The following GRB10 variants were observed in gnomAD, a reference collection of about 807,000 sequenced individuals.
The protein encoded by GRB10 is growth factor receptor-bound protein 10.
GRB10 carries 20 observed loss-of-function variants against 80.9 expected under a neutral mutation model. That is an observed-to-expected ratio of 0.25 (90% CI 0.17 to 0.36). The LOEUF (loss-of-function observed/expected upper bound fraction) is 0.36. Among genes scored for constraint, GRB10 ranks in the 10% least tolerant of loss-of-function variants. The pLI is 1.00. For synonymous variants in GRB10, 291 were observed against 291.5 expected, an observed-to-expected ratio of 1.00 and a Z score of 0.02; for missense variants, 548 against 747.7, an observed-to-expected ratio of 0.73 and a Z score of 3.12.
At chr7:50,635,983 T>TG (rs2054937860) in intron 7 of GRB10, among the ~76,000 whole-genome samples, 1 of 125,052 alleles carries the variant, frequency 8.0e-6, no homozygotes, top group Admixed American at 8.2e-5. Flanking sequence ...TTTTTTTTTT[T>TG]TTTTTTTGAG....
chr7:50,646,564 G>A (rs369441359), intron 7 of GRB10, among the ~76,000 whole-genome samples: 30 of 152,088 alleles, frequency 2.0e-4, no homozygotes, highest in African/African-American at 5.8e-4. Context: ...TGGTCTCCTG[G>A]TTGGACATAG....
chr7:50,708,431 C>T (rs1468571270), intron 4 of GRB10, among the ~76,000 whole-genome samples: 2 of 152,190 alleles, frequency 1.3e-5, no homozygotes, highest in African/African-American at 4.8e-5. Context: ...GCCACTGTGG[C>T]ACTAAAGATC....
At chr7:50,713,027 G>A (rs2066134049) in intron 4 of GRB10, among the ~76,000 whole-genome samples, 1 of 152,182 alleles carries the variant, frequency 6.6e-6, no homozygotes, top group African/African-American at 2.4e-5. Flanking sequence ...TGCCAAGTCA[G>A]TTTTGTTCCT....
chr7:50,786,065 T>C (rs1026826877), upstream of GRB10, among the ~76,000 whole-genome samples: 12 of 152,100 alleles, frequency 7.9e-5, no homozygotes, highest in African/African-American at 2.9e-4. Flanking sequence ...CTGAAACTGC[T>C]CTAAAGTCTG....
intron 7 of GRB10, among the ~76,000 whole-genome samples, chr7:50,634,549 G>A (rs913047093): frequency 1.3e-5 from 2 of 152,258 alleles, no homozygotes; most frequent in Middle Eastern, 3.4e-3. Flanking sequence ...CAATATTAAT[G>A]TTGAACATAA....
At chr7:50,656,945 C>T (rs2058710563) in intron 7 of GRB10, among the ~76,000 whole-genome samples, 1 of 152,214 alleles carries the variant, frequency 6.6e-6, no homozygotes, top group African/African-American at 2.4e-5. Flanking sequence ...AATGTGGCAA[C>T]AGCTGCACTC....
At chr7:50,711,496 T>C (rs1227834781) in intron 4 of GRB10, among the ~76,000 whole-genome samples, 1 of 152,202 alleles carries the variant, frequency 6.6e-6, no homozygotes, top group Non-Finnish European at 1.5e-5. Flanking sequence ...GCAACAGGGA[T>C]GGGGTTTGTC....
intron 4 of GRB10, among the ~76,000 whole-genome samples, chr7:50,707,735 G>T (rs539752348): frequency 1.3e-5 from 2 of 152,134 alleles, no homozygotes; most frequent in Non-Finnish European, 2.9e-5. Context: ...GGGTGGGTGG[G>T]ACCAGCCTCC....
chr7:50,639,676 A>AC (rs2153605121), intron 7 of GRB10, among the ~76,000 whole-genome samples: 1 of 150,526 alleles, frequency 6.6e-6, no homozygotes, highest in African/African-American at 2.4e-5. Context: ...TCTGTCTCAA[A>AC]AAAAAAAAAA....
intron 3 of GRB10, among the ~76,000 whole-genome samples, chr7:50,749,203 A>G (rs2073691854): frequency 6.9e-6 from 1 of 144,372 alleles, no homozygotes; most frequent in Non-Finnish European, 1.5e-5. Context: ...ATCTTGGCTC[A>G]CTGCAACCTC....
In GRB10 at chr7:50,757,533, T is replaced by C. The variant is rs895542347; in HGVS notation, c.-216-1477A>G. ...TACATGATTATGAGACTGATCAAAGTTGAACATCACCTGCCTATGCAAAAG... is the reference window on the plus strand; with the variant it reads ...TACATGATTATGAGACTGATCAAAGCTGAACATCACCTGCCTATGCAAAAG... On this transcript the variant is annotated intron_variant, in intron 2 of 18. Coordinates refer to ENST00000401949, the MANE Select transcript of GRB10 (RefSeq NM_001350814.2). 5.3e-4 allele frequency among the ~76,000 whole-genome samples: 80 copies of C among 152,232 alleles called. 4 individuals carry two copies. The highest frequency in any genetic ancestry group is 1.3e-4 in the Non-Finnish European group (9 of 68,034).
rs1052098879 is a variant in GRB10, at chr7:50,591,752, C to G, written c.*1200G>C. On this transcript the variant is annotated 3_prime_UTR_variant, in exon 19 of 19. Coordinates refer to ENST00000401949, the MANE Select transcript of GRB10 (RefSeq NM_001350814.2). ...AAGCCAGCAGAGGAGGAGCCTCTAG[C>G]TGCTCTGTGTTCACTGGCTTATGGG... is the stretch of plus-strand genomic sequence containing the variant. 1.3e-5 allele frequency: 2 copies of G among 152,272 alleles called. No homozygotes were observed. Among genetic ancestry groups the G allele is most frequent in the Non-Finnish European group, 2.9e-5 (2 of 68,062 alleles). 9.4% of individuals were successfully genotyped at this position (152,272 alleles called of 1,614,324 possible).
chr7:50,616,531 C>G (rs528716332), intron 10 of GRB10, among the ~76,000 whole-genome samples, 184 bp from the exon 11 acceptor site: 1 of 152,132 alleles, frequency 6.6e-6, no homozygotes, highest in Admixed American at 6.5e-5. Flanking sequence ...GAACATAATT[C>G]GTATTTAAAC....
chr7:50,761,258 C>T (rs2075735198), intron 2 of GRB10, among the ~76,000 whole-genome samples: 1 of 152,120 alleles, frequency 6.6e-6, no homozygotes, highest in African/African-American at 2.4e-5. Flanking sequence ...TCATTTCTAC[C>T]ATAAGGAAAA....
At chr7:50,656,528 T>A (rs1245547909) in intron 7 of GRB10, among the ~76,000 whole-genome samples, 1 of 152,218 alleles carries the variant, frequency 6.6e-6, no homozygotes, top group Non-Finnish European at 1.5e-5. Flanking sequence ...TGACTTGTCA[T>A]AAAATTACTA....
At chr7:50,628,693 C>T (rs937448182) in intron 7 of GRB10, among the ~76,000 whole-genome samples, 1 of 152,194 alleles carries the variant, frequency 6.6e-6, no homozygotes, top group African/African-American at 2.4e-5. Context: ...AGGGTCACTG[C>T]CCCCTGCCTG....
At chr7:50,691,157 G>C (rs1017094790) in intron 5 of GRB10, among the ~76,000 whole-genome samples, 1 of 152,194 alleles carries the variant, frequency 6.6e-6, no homozygotes, top group Non-Finnish European at 1.5e-5. Context: ...GTAGGGATTC[G>C]ATCTACTGCT....
In GRB10 at chr7:50,612,639, GA is replaced by G. The variant is rs2049767177; in HGVS notation, c.1194+101del. On this transcript the variant is annotated intron_variant, in intron 13 of 18. Coordinates refer to ENST00000401949, the MANE Select transcript of GRB10 (RefSeq NM_001350814.2). Reference sequence around the variant, plus strand: ...AATAAAATATTGTGACAGAACAGCGGAAAAGTTACGAGCATTTTCCTGCCAG... The same window carrying G: ...AATAAAATATTGTGACAGAACAGCGGAAAGTTACGAGCATTTTCCTGCCAG... The G allele has an allele frequency of 3.8e-5, 29 of 768,740 alleles. No homozygotes were observed. The South Asian group carries it at 4.2e-4, about 11-fold the overall frequency. The allele number at this position is 768,740 out of a possible 1,614,324, so 47.6% of individuals were successfully genotyped here.
chr7:50,623,354 C>A (rs1226952087), intron 8 of GRB10, among the ~76,000 whole-genome samples: 1 of 152,212 alleles, frequency 6.6e-6, no homozygotes, highest in East Asian at 1.9e-4. Context: ...CCTACCAGGG[C>A]AAGGGGCTTT....
Sources: allele counts gnomAD v4.1 joint callset (sites outside exome capture counted in the v4.1 genomes callset), GRCh38; gene constraint gnomAD v4.1.1; transcripts MANE v1.5; gene names NCBI Gene and HGNC (gene_info 2026-07-23, HGNC 2026-07-21).